GPHN: variants seen among roughly 807,000 people sequenced by gnomAD.
The protein encoded by GPHN is gephyrin.
Under a neutral mutation model 95.5 loss-of-function variants are expected in GPHN, and 17 were observed. The ratio of observed to expected loss-of-function variants is 0.18; its 90% CI spans 0.12 to 0.27. The LOEUF (loss-of-function observed/expected upper bound fraction) is 0.27, where lower values mean the gene tolerates loss of function less well. Among genes scored for constraint, GPHN ranks in the 10% least tolerant of loss-of-function variants. The probability of loss-of-function intolerance (pLI) is 1.00; values close to 1 mark genes in which losing one functional copy is unlikely to be tolerated. For missense variants in GPHN, 660 were observed against 978.1 expected, an observed-to-expected ratio of 0.67 and a Z score of 4.34; for synonymous variants, 320 against 322.5, an observed-to-expected ratio of 0.99 and a Z score of 0.08.
chr14:67,599,560 TAAAC>T, the GPHN span, among the ~76,000 whole-genome samples: 2 of 152,268 alleles, frequency 1.3e-5, no homozygotes, highest in South Asian at 2.1e-4. Context: ...TACACACAGA[TAAAC>T]ACACACACTT....
chr14:66,794,378 T>A (rs1283780558), intron 3 of GPHN, among the ~76,000 whole-genome samples: 1 of 152,180 alleles, frequency 6.6e-6, no homozygotes, highest in Non-Finnish European at 1.5e-5. Context: ...CCTCCCCAGA[T>A]GCCCAGCAGA....
intron 1 of GPHN, among the ~76,000 whole-genome samples, chr14:66,530,800 C>T (rs1370751348): frequency 2.6e-5 from 4 of 152,044 alleles, no homozygotes; most frequent in Non-Finnish European, 4.4e-5. Flanking sequence ...CACTGTCTAA[C>T]CAGTCCCAAT....
the GPHN span, among the ~76,000 whole-genome samples, chr14:67,483,446 A>G: frequency 6.6e-6 from 1 of 151,926 alleles, no homozygotes; most frequent in Non-Finnish European, 1.5e-5. Flanking sequence ...GGGCACTACC[A>G]TTTTCTGAGT....
the GPHN span, among the ~76,000 whole-genome samples, chr14:67,504,859 CAG>C: frequency 6.6e-6 from 1 of 152,114 alleles, no homozygotes; most frequent in South Asian, 2.1e-4. Flanking sequence ...GCACTCCAAT[CAG>C]GGCAACAAGA....
At chr14:67,684,410 A>G in the GPHN span, 49 of 152,282 alleles carry the variant, frequency 3.2e-4, no homozygotes, top group African/African-American at 1.1e-3. Context: ...AGAATTGGCC[A>G]TGGGTTAATG....
At chr14:67,415,585 G>C in the GPHN span, among the ~76,000 whole-genome samples, 1 of 152,164 alleles carries the variant, frequency 6.6e-6, no homozygotes, top group Non-Finnish European at 1.5e-5. Flanking sequence ...CACCAGCAGC[G>C]TATGACAATG....
intron 1 of GPHN, among the ~76,000 whole-genome samples, chr14:66,521,253 A>C (rs1490557050): frequency 6.6e-6 from 1 of 152,018 alleles, no homozygotes; most frequent in Non-Finnish European, 1.5e-5. Flanking sequence ...AATGGTGGTC[A>C]GAGGAAATTT....
At chr14:66,566,606 G>T (rs767857407) in intron 1 of GPHN, among the ~76,000 whole-genome samples, 1 of 152,100 alleles carries the variant, frequency 6.6e-6, no homozygotes, top group Non-Finnish European at 1.5e-5. Flanking sequence ...TTGAGGGACA[G>T]AATTTTATCT....
intron 1 of GPHN, among the ~76,000 whole-genome samples, chr14:66,570,266 A>G (rs572437627): frequency 6.7e-6 from 1 of 148,728 alleles, no homozygotes; most frequent in South Asian, 2.1e-4. Context: ...GGGAGTGCAG[A>G]TATCTATTTG....
the GPHN span, among the ~76,000 whole-genome samples, chr14:67,412,792 T>G: frequency 2.0e-5 from 3 of 151,996 alleles, no homozygotes; most frequent in Non-Finnish European, 4.4e-5. Flanking sequence ...TGAGACAGGG[T>G]CTTTCTCTGT....
At chr14:67,043,083 A>T (rs1316039983) in intron 10 of GPHN, among the ~76,000 whole-genome samples, 1 of 152,186 alleles carries the variant, frequency 6.6e-6, no homozygotes, top group Non-Finnish European at 1.5e-5. Context: ...TTTATTTTGT[A>T]TCCTGAGACT....
At chr14:67,541,923 T>C in the GPHN span, 5 of 1,606,282 alleles carry the variant, frequency 3.1e-6, no homozygotes, top group Non-Finnish European at 4.2e-6. Context: ...AAACGCTGCC[T>C]GACCCTGGAA....
At chr14:66,756,794 G>A (rs1035024387) in intron 2 of GPHN, among the ~76,000 whole-genome samples, 1 of 152,132 alleles carries the variant, frequency 6.6e-6, no homozygotes, top group Non-Finnish European at 1.5e-5. Flanking sequence ...GCTGAGAATA[G>A]TAGTCACCTT....
At chr14:66,621,574 G>A (rs1461161834) in intron 1 of GPHN, among the ~76,000 whole-genome samples, 5 of 149,388 alleles carry the variant, frequency 3.3e-5, no homozygotes, top group Non-Finnish European at 3.0e-5. Flanking sequence ...ACAGGCACCC[G>A]CCACCATGCC....
chr14:66,723,979 G>GCATA (rs1267110938), intron 2 of GPHN, among the ~76,000 whole-genome samples: 1 of 142,416 alleles, frequency 7.0e-6, no homozygotes, highest in Non-Finnish European at 1.6e-5. Flanking sequence ...TCTATGTCAT[G>GCATA]CATACATACA....
intron 13 of GPHN, 138 bp downstream of exon 13, chr14:67,101,049 G>C (rs1787411216): frequency 2.9e-6 from 2 of 686,070 alleles, no homozygotes; most frequent in South Asian, 3.1e-5. Context: ...TGAAAGTATA[G>C]TTCCCAGGAG....
chr14:67,603,989 G>GTTTTT, the GPHN span, among the ~76,000 whole-genome samples: 4 of 146,110 alleles, frequency 2.7e-5, no homozygotes, highest in Admixed American at 6.8e-5. Flanking sequence ...CCCTGCCCTT[G>GTTTTT]TTTTTTGTTT....
intron 1 of GPHN, among the ~76,000 whole-genome samples, chr14:66,613,713 C>T (rs2062880190): frequency 6.6e-6 from 1 of 151,746 alleles, no homozygotes. Context: ...TATTAGTATT[C>T]ACAAATGTGC....
chr14:66,585,351 A>T (rs1252544402), intron 1 of GPHN, among the ~76,000 whole-genome samples: 1 of 152,038 alleles, frequency 6.6e-6, no homozygotes, highest in Non-Finnish European at 1.5e-5. Flanking sequence ...TCCTGGATTC[A>T]TTGATTTTTT....
Sources: gnomAD v4.1 joint callset for allele counts (sites outside exome capture counted in the v4.1 genomes callset) on GRCh38, gnomAD v4.1.1 for gene constraint, MANE v1.5 for transcripts, NCBI Gene and HGNC (gene_info 2026-07-23, HGNC 2026-07-21) for gene names.